ATP13A5: variants seen among roughly 807,000 people sequenced by gnomAD.
ATP13A5 encodes probable cation-transporting ATPase 13A5.
ATP13A5 carries 149 observed loss-of-function variants against 150.2 expected under a neutral mutation model. The ratio of observed to expected loss-of-function variants is 0.99; its 90% CI spans 0.87 to 1.14. ATP13A5 has a LOEUF of 1.14. Ranked by LOEUF, ATP13A5 falls within the 50% of genes most tolerant of loss-of-function variation. The pLI is 0.00. For missense variants in ATP13A5, 1,383 were observed against 1,449.3 expected (o/e 0.95, Z 0.74); for synonymous variants, 497 against 522.2 (o/e 0.95, Z 0.66).
chr3:193,324,394 A>G (rs4687400), intron 14 of ATP13A5, among the ~76,000 whole-genome samples: 92,942 of 152,072 alleles, frequency 0.61, 29,314 homozygotes, highest in Non-Finnish European at 0.7. Flanking sequence ...CATTTCAAGG[A>G]CTGAGTAGCC....
chr3:193,300,844 T>A (rs974423134), intron 24 of ATP13A5, among the ~76,000 whole-genome samples: 1 of 152,190 alleles, frequency 6.6e-6, no homozygotes, highest in African/African-American at 2.4e-5. Flanking sequence ...CTCTTCCTTT[T>A]TATCTCTTCT....
At chr3:193,314,910 A>G (rs1718990240) in intron 18 of ATP13A5, 62 bp downstream of exon 18, 2 of 1,584,348 alleles carry the variant, frequency 1.3e-6, no homozygotes, top group African/African-American at 2.7e-5. Flanking sequence ...CTCAGCTCAC[A>G]CATCTTGTTC....
chr3:193,319,760 A>T (rs1719193985), intron 16 of ATP13A5, among the ~76,000 whole-genome samples: 1 of 124,970 alleles, frequency 8.0e-6, no homozygotes, highest in East Asian at 2.6e-4. Flanking sequence ...CTGATTTTCT[A>T]GATCAGGGGT....
rs1713616471 is a variant in ATP13A5, at chr3:193,375,708, G to A, written c.63+2955C>T. Among the ~76,000 whole-genome samples, 3 of 152,180 alleles carry A rather than the reference G, an allele frequency of 2.0e-5. No homozygotes were observed. In the South Asian group the frequency reaches 6.2e-4, roughly 32 times the overall value. ...TGTCAAGCACCTAGTACCGCACCAT[G>A]CCCAGGACAGTAAGCACTACCAGGA... On this transcript the variant is annotated intron_variant, in intron 1 of 29. Transcript: ENST00000342358.
chr3:193,377,377 T>A (rs527656374), intron 1 of ATP13A5, among the ~76,000 whole-genome samples: 3 of 152,326 alleles, frequency 2.0e-5, no homozygotes, highest in Admixed American at 6.5e-5. Flanking sequence ...ACATTAAAGA[T>A]GTAAAGAGAA....
At chr3:193,289,148 T>G (rs2108826067) in intron 26 of ATP13A5, among the ~76,000 whole-genome samples, 1 of 152,270 alleles carries the variant, frequency 6.6e-6, no homozygotes, top group Admixed American at 6.5e-5. Flanking sequence ...GCACATTTGC[T>G]ATTTCAAAGA....
intron 27 of ATP13A5, among the ~76,000 whole-genome samples, chr3:193,283,201 C>T (rs2108819274): frequency 6.6e-6 from 1 of 152,162 alleles, no homozygotes; most frequent in Admixed American, 6.5e-5. Flanking sequence ...ATAAAAGCTG[C>T]TAGAAAAACC....
intron 2 of ATP13A5, among the ~76,000 whole-genome samples, 192 bp from the exon 3 acceptor site, chr3:193,363,574 GCA>G (rs1266173298): frequency 3.9e-5 from 6 of 152,270 alleles, no homozygotes; most frequent in African/African-American, 1.4e-4. Flanking sequence ...GGTGGGGCCA[GCA>G]TCCTTGTTTC....
At chr3:193,276,052 A>G (rs1015803799) in intron 29 of ATP13A5, among the ~76,000 whole-genome samples, 5 of 152,158 alleles carry the variant, frequency 3.3e-5, no homozygotes, top group African/African-American at 1.2e-4. Flanking sequence ...GCCTTCATAC[A>G]TGTAGTATTT....
At chr3:193,288,278 G>A (rs1717803959) in intron 26 of ATP13A5, among the ~76,000 whole-genome samples, 3 of 152,070 alleles carry the variant, frequency 2.0e-5, no homozygotes, top group Admixed American at 6.6e-5. Flanking sequence ...TACTGAGATG[G>A]GATAAAATGC....
intron 23 of ATP13A5, among the ~76,000 whole-genome samples, chr3:193,302,030 T>C (rs903174316): frequency 2.6e-4 from 40 of 152,020 alleles, no homozygotes; most frequent in Non-Finnish European, 5.4e-4. Flanking sequence ...AAGAAAAAAA[T>C]GTGAGGTAGC....
At chr3:193,311,786 A>C (rs1397834866) in intron 20 of ATP13A5, 30 bp downstream of exon 20, 1 of 1,611,988 alleles carries the variant, frequency 6.2e-7, no homozygotes, top group African/African-American at 1.3e-5. Context: ...TTGAGGAGCA[A>C]AACAAAACAC....
intron 9 of ATP13A5, among the ~76,000 whole-genome samples, chr3:193,341,554 G>C (rs974027161): frequency 3.3e-5 from 5 of 152,076 alleles, no homozygotes; most frequent in Non-Finnish European, 7.4e-5. Flanking sequence ...AGGATCTGCT[G>C]CCCTGTCCAG....
At chr3:193,351,525 G>T (rs1200832653) in intron 6 of ATP13A5, among the ~76,000 whole-genome samples, 5 of 152,172 alleles carry the variant, frequency 3.3e-5, no homozygotes, top group African/African-American at 1.2e-4. Flanking sequence ...TCATAATGGG[G>T]GAGGTACATG....
At chr3:193,372,083 G>A (rs1369501421) in intron 1 of ATP13A5, 1 of 152,522 alleles carries the variant, frequency 6.6e-6, no homozygotes. Flanking sequence ...CAGATCACGA[G>A]GTCAGGGGAT....
intron 9 of ATP13A5, among the ~76,000 whole-genome samples, chr3:193,341,169 C>T (rs1490884453): frequency 3.2e-5 from 4 of 125,862 alleles, no homozygotes; most frequent in East Asian, 5.3e-4. Context: ...CATATTCCCC[C>T]CCCCTCCCAA....
chr3:193,327,388 G>C (rs910973386), intron 12 of ATP13A5, among the ~76,000 whole-genome samples: 1 of 152,160 alleles, frequency 6.6e-6, no homozygotes, highest in South Asian at 2.1e-4. Flanking sequence ...GAATCAGCTC[G>C]AGTCTGACTT....
rs79423072 is a variant in ATP13A5 at position 193,343,952 on chromosome 3, G to A, written c.918C>T (p.Cys306=). Residue 306 remains cysteine (C), a synonymous_variant, in exon 9 of 30, where the codon TGC becomes TGT. Transcript: ENST00000342358. The part of the protein sequence containing the change: ...PCDAVLIDGS[C]VVNEGMLTGE... ...CTGTAAGCATGCCTTCATTCACCAC[G>A]CAGCTTCCATCAATCAAAACAGCAT... The A allele has an allele frequency of 2.5e-5, 41 of 1,613,108 alleles. No homozygotes were observed. In the African/African-American group the frequency reaches 3.6e-4, roughly 14 times the overall value.
intron 25 of ATP13A5, among the ~76,000 whole-genome samples, chr3:193,298,844 C>T (rs1354565331): frequency 1.3e-5 from 2 of 152,094 alleles, no homozygotes; most frequent in Non-Finnish European, 2.9e-5. Context: ...AATTCCCTTT[C>T]TAGGTTTTGT....
Sources: gnomAD v4.1 joint callset for allele counts (sites outside exome capture counted in the v4.1 genomes callset) on GRCh38, gnomAD v4.1.1 for gene constraint, MANE v1.5 for transcripts, NCBI Gene and HGNC (gene_info 2026-07-23, HGNC 2026-07-21) for gene names.